The following OSGEPL1 variants were observed in gnomAD, a reference collection of about 807,000 sequenced individuals.
OSGEPL1 encodes the protein tRNA N6-adenosine threonylcarbamoyltransferase, mitochondrial.
In OSGEPL1, 26 loss-of-function variants were observed where a neutral mutation model predicts 37.2. The observed-to-expected ratio is 0.70, with a 90% CI of 0.51 to 0.97. The LOEUF (loss-of-function observed/expected upper bound fraction) is 0.97. Ranked by LOEUF, OSGEPL1 falls within the 50% of genes least tolerant of loss-of-function variation. The pLI is 0.00. For missense variants in OSGEPL1, 404 were observed against 487.0 expected (o/e 0.83, Z 1.60); for synonymous variants, 140 against 159.9 (o/e 0.88, Z 0.94).
chr2:189,761,365 G>A, intron 2 of OSGEPL1, 55 bp downstream of exon 2: 2 of 1,540,822 alleles, frequency 1.3e-6, no homozygotes, highest in East Asian at 4.5e-5. Context: ...AAATACAAAA[G>A]AATGATTTTA....
At chr2:189,749,847 CT>C (rs2044843691) in intron 8 of OSGEPL1, among the ~76,000 whole-genome samples, 1 of 152,168 alleles carries the variant, frequency 6.6e-6, no homozygotes, top group South Asian at 2.1e-4. Context: ...TCTAAAATTG[CT>C]CTCTTGAGCA....
At chr2:189,747,986 T>G (rs1322284337) in intron 8 of OSGEPL1, among the ~76,000 whole-genome samples, 1 of 151,992 alleles carries the variant, frequency 6.6e-6, no homozygotes, top group Non-Finnish European at 1.5e-5. Flanking sequence ...GCGCCTGGCT[T>G]CACTGTGTAC....
At chr2:189,750,083 C>T (rs1047576951) in intron 8 of OSGEPL1, among the ~76,000 whole-genome samples, 7 of 152,082 alleles carry the variant, frequency 4.6e-5, no homozygotes, top group African/African-American at 1.7e-4. Context: ...GCTGAGATCA[C>T]GCCACTGCAA....
At chr2:189,750,788 T>A in intron 7 of OSGEPL1, 132 bp from the exon 8 acceptor site, 1 of 588,936 alleles carries the variant, frequency 1.7e-6, no homozygotes. Context: ...TGATGATTCT[T>A]AAATACTTAC....
intron 5 of OSGEPL1, 146 bp downstream of exon 5, chr2:189,753,770 G>T: frequency 2.3e-6 from 2 of 854,228 alleles, no homozygotes; most frequent in Non-Finnish European, 3.5e-6. Context: ...ATGGCTGTTA[G>T]TCTTTCCTAT....
intron 7 of OSGEPL1, among the ~76,000 whole-genome samples, chr2:189,752,233 C>T (rs1403532170): frequency 1.3e-5 from 2 of 152,144 alleles, no homozygotes; most frequent in Admixed American, 6.6e-5. Context: ...AGCTATCTTT[C>T]GGCCAATTCT....
chr2:189,750,100 C>T (rs183559823), intron 8 of OSGEPL1, among the ~76,000 whole-genome samples: 1 of 152,068 alleles, frequency 6.6e-6, no homozygotes, highest in South Asian at 2.1e-4. Flanking sequence ...GCAATCCAGC[C>T]TGGGTGACAG....
At chr2:189,752,826 A>C (rs1456405335) in intron 6 of OSGEPL1, 23 bp downstream of exon 6, 2 of 1,613,364 alleles carry the variant, frequency 1.2e-6, no homozygotes, top group Non-Finnish European at 1.7e-6. Flanking sequence ...TTATGAGTGA[A>C]GCACGTATAT....
At position 189,750,572 on chromosome 2, in the gene OSGEPL1, C is replaced by G. The variant is rs1418917905; in HGVS notation, c.*6G>C. 7.9e-6 allele frequency: 12 copies of G among 1,520,990 alleles called. No homozygotes were observed. The highest frequency in any genetic ancestry group is 2.4e-5 in the South Asian group (2 of 84,220). The allele number at this position is 1,520,990 out of a possible 1,614,324, so 94.2% of individuals were successfully genotyped here. ...TACCTTTAGGGACTTTTTTGAACAG[C>G]AGAAATCATATCTCCATTTTTAATT... On this transcript the variant is annotated 3_prime_UTR_variant, in exon 8 of 9. Coordinates refer to ENST00000264151, the MANE Select transcript of OSGEPL1 (RefSeq NM_022353.3).
chr2:189,749,244 T>TAAAAAA (rs397987026), intron 8 of OSGEPL1, among the ~76,000 whole-genome samples: 2 of 63,266 alleles, frequency 3.2e-5, no homozygotes, highest in African/African-American at 6.5e-5. Flanking sequence ...AGACTCTGTC[T>TAAAAAA]AAAAAAAAAA....
At chr2:189,749,169 C>G (rs1163775150) in intron 8 of OSGEPL1, among the ~76,000 whole-genome samples, 1 of 141,984 alleles carries the variant, frequency 7.0e-6, no homozygotes, top group Non-Finnish European at 1.5e-5. Context: ...TTGCTTGAAC[C>G]TGGCAGACGG....
At chr2:189,752,622 T>G in intron 7 of OSGEPL1, 31 bp downstream of exon 7, 1 of 1,609,234 alleles carries the variant, frequency 6.2e-7, no homozygotes, top group African/African-American at 1.3e-5. Flanking sequence ...GTAATGTAAC[T>G]TGCATAAAGA....
chr2:189,756,756 C>G (rs2046147132), intron 2 of OSGEPL1, among the ~76,000 whole-genome samples: 1 of 152,190 alleles, frequency 6.6e-6, no homozygotes. Context: ...AAGCCCTCAT[C>G]TCAGTCTGTT....
At chr2:189,753,757 G>C (rs930654313) in intron 5 of OSGEPL1, among the ~76,000 whole-genome samples, 159 bp downstream of exon 5, 7 of 152,272 alleles carry the variant, frequency 4.6e-5, no homozygotes, top group African/African-American at 1.7e-4. Context: ...ACTAGTACAA[G>C]AAATGGCTGT....
chr2:189,763,047 A>ATT (rs35618522), upstream of OSGEPL1: 5 of 968,406 alleles, frequency 5.2e-6, no homozygotes, highest in Non-Finnish European at 6.1e-6. Flanking sequence ...TTAAAAAGAA[A>ATT]TTTTTTTTTT....
intron 2 of OSGEPL1, among the ~76,000 whole-genome samples, chr2:189,760,082 T>C (rs565014710): frequency 3.3e-4 from 51 of 152,322 alleles, no homozygotes; most frequent in Middle Eastern, 6.8e-3. Flanking sequence ...GGGGTAAGGT[T>C]ATAGATCAAC....
Position 189,753,996 on chromosome 2 carries a change from A to T in OSGEPL1, c.883T>A (p.Cys295Ser), listed in dbSNP as rs758192213. 6.2e-7 allele frequency: 1 copy of T among 1,613,812 alleles called. No individual in the cohort carries two copies. ...CGATGTGTTCTTTTCACAAGATGAC[A>T]TGCCATTGTGTGCTGTACTGTGGCA... ...IAATVQHTMACHLVKRTHRAI... is the reference protein window; with the variant it reads ...IAATVQHTMASHLVKRTHRAI... Residue 295 changes from cysteine (C) to serine (S), a missense_variant, in exon 5 of 9, where the codon TGT becomes AGT. Transcript: ENST00000264151.
chr2:189,749,557 C>CA (rs978423501), intron 8 of OSGEPL1, among the ~76,000 whole-genome samples: 3 of 151,198 alleles, frequency 2.0e-5, no homozygotes, highest in Non-Finnish European at 4.4e-5. Flanking sequence ...AAAAAAAATC[C>CA]AAAAAAACTC....
intron 2 of OSGEPL1, among the ~76,000 whole-genome samples, chr2:189,758,794 A>G (rs1317810628): frequency 6.6e-6 from 1 of 152,208 alleles, no homozygotes; most frequent in Non-Finnish European, 1.5e-5. Flanking sequence ...TTATACATAC[A>G]CAAGCAAATG....
Sources: gnomAD v4.1 joint callset for allele counts (sites outside exome capture counted in the v4.1 genomes callset) on GRCh38, gnomAD v4.1.1 for gene constraint, MANE v1.5 for transcripts, NCBI Gene and HGNC (gene_info 2026-07-23, HGNC 2026-07-21) for gene names.